The following HS6ST2 variants were observed in gnomAD, a reference collection of about 807,000 sequenced individuals.
HS6ST2 encodes heparan-sulfate 6-O-sulfotransferase 2.
A neutral mutation model predicts 33.0 loss-of-function variants in HS6ST2; 17 were observed. That is an observed-to-expected ratio of 0.52 (90% CI 0.35 to 0.77). The LOEUF (loss-of-function observed/expected upper bound fraction) is 0.77, where lower values mean the gene tolerates loss of function less well. Among genes scored for constraint, HS6ST2 ranks in the 30% least tolerant of loss-of-function variants. HS6ST2 has a pLI of 0.01. For missense variants in HS6ST2, 519 were observed against 551.7 expected (o/e 0.94, Z 0.59); for synonymous variants, 248 against 237.1 (o/e 1.05, Z -0.42).
At chrX:132,744,522 C>T (rs1316308432) in intron 2 of HS6ST2, among the ~76,000 whole-genome samples, 1 of 112,362 alleles carries the variant, frequency 8.9e-6, no homozygotes, top group Non-Finnish European at 1.9e-5. Context: ...TAAGCAGATG[C>T]TTTTGGCATC....
At chrX:132,658,877 CAT>C (rs2063750242) in intron 4 of HS6ST2, among the ~76,000 whole-genome samples, 2 of 111,596 alleles carry the variant, frequency 1.8e-5, no homozygotes, top group Non-Finnish European at 3.8e-5. Context: ...GATGGCCAAA[CAT>C]ATTATTACGC....
intron 2 of HS6ST2, among the ~76,000 whole-genome samples, chrX:132,771,176 C>T (rs775576098): frequency 9.0e-6 from 1 of 111,507 alleles, no homozygotes; most frequent in East Asian, 2.8e-4. Flanking sequence ...AGTAGGTGCT[C>T]AGTAAATATG....
At chrX:132,959,049 A>T (rs1210074956), upstream of HS6ST2, among the ~76,000 whole-genome samples, 2 of 111,221 alleles carry the variant, frequency 1.8e-5, no homozygotes, top group Non-Finnish European at 3.8e-5. Flanking sequence ...ATAACTAAAA[A>T]CTCCATCAGA....
intron 2 of HS6ST2, among the ~76,000 whole-genome samples, chrX:132,795,788 TG>T (rs2065171942): frequency 9.0e-6 from 1 of 110,973 alleles, no homozygotes; most frequent in African/African-American, 3.3e-5. Flanking sequence ...TGTAATTTTT[TG>T]GTAGGGACAG....
chrX:132,777,458 T>C (rs2064973217), intron 2 of HS6ST2, among the ~76,000 whole-genome samples: 2 of 110,641 alleles, frequency 1.8e-5, no homozygotes, highest in Non-Finnish European at 3.8e-5. Context: ...TGAGACAGAG[T>C]CTCACTCTGT....
chrX:132,942,489 A>C (rs774543344), intron 2 of HS6ST2, among the ~76,000 whole-genome samples: 16 of 112,265 alleles, frequency 1.4e-4, no homozygotes, highest in African/African-American at 4.2e-4. Context: ...CCCTTCCAAA[A>C]GGAAGAGAAT....
intron 2 of HS6ST2, among the ~76,000 whole-genome samples, chrX:132,791,808 TA>T (rs1276522320): frequency 1.0e-5 from 1 of 96,464 alleles, no homozygotes; most frequent in Non-Finnish European, 2.1e-5. Flanking sequence ...AGCCCATTTC[TA>T]CAAAAAAAAA....
Position 132,693,053 on chromosome X carries a change from C to T in HS6ST2, c.980+15409G>A, listed in dbSNP as rs112246922. On this transcript the variant is annotated intron_variant, in intron 3 of 4. Coordinates refer to ENST00000370833, the MANE Select transcript of HS6ST2 (RefSeq NM_001394073.1). Reference sequence around the variant, plus strand: ...GGGGTATGAAATGACCTCCTCCACTCCCGGTAGAAATAGCTACCTATTCTT... The same window carrying T: ...GGGGTATGAAATGACCTCCTCCACTTCCGGTAGAAATAGCTACCTATTCTT... Among the ~76,000 whole-genome samples, 79 of 112,144 alleles carry T rather than the reference C, an allele frequency of 7.0e-4. No individual in the cohort carries two copies. The Middle Eastern group carries it at 0.018, about 26-fold the overall frequency.
chrX:132,868,814 C>T (rs1452270086), intron 2 of HS6ST2, among the ~76,000 whole-genome samples: 3 of 111,463 alleles, frequency 2.7e-5, no homozygotes, highest in Non-Finnish European at 5.7e-5. Flanking sequence ...ACTAAATGCC[C>T]ACAGGAGAAA....
chrX:132,721,665 A>C (rs1228030147), intron 2 of HS6ST2, among the ~76,000 whole-genome samples: 2 of 111,853 alleles, frequency 1.8e-5, no homozygotes, highest in African/African-American at 3.2e-5. Flanking sequence ...TGAAATATTT[A>C]TTTCTTTCCT....
chrX:132,630,070 C>T (rs1481346659), intron 4 of HS6ST2, among the ~76,000 whole-genome samples: 2 of 111,788 alleles, frequency 1.8e-5, no homozygotes, highest in East Asian at 5.6e-4. Flanking sequence ...ATGGTAGGCA[C>T]ACGCCCCAGA....
chrX:132,732,701 G>A (rs1020732487), intron 2 of HS6ST2, among the ~76,000 whole-genome samples: 1 of 111,583 alleles, frequency 9.0e-6, no homozygotes, highest in African/African-American at 3.3e-5. Flanking sequence ...CTTCTGCCAT[G>A]ATTGTGAGGG....
At chrX:132,899,019 ATAAT>A (rs1370476187) in intron 2 of HS6ST2, among the ~76,000 whole-genome samples, 3 of 111,632 alleles carry the variant, frequency 2.7e-5, no homozygotes, top group Non-Finnish European at 5.6e-5. Flanking sequence ...ATATGGGGCA[ATAAT>A]TAGAGCCCTG....
At chrX:132,885,236 A>G (rs1482731786) in intron 2 of HS6ST2, among the ~76,000 whole-genome samples, 1 of 111,703 alleles carries the variant, frequency 9.0e-6, no homozygotes, top group Non-Finnish European at 1.9e-5. Flanking sequence ...TTGGTGGGAA[A>G]CAGAAATGAG....
At chrX:132,942,723 A>G (rs1160245163) in intron 2 of HS6ST2, among the ~76,000 whole-genome samples, 1 of 111,835 alleles carries the variant, frequency 8.9e-6, no homozygotes, top group Non-Finnish European at 1.9e-5. Context: ...TTACCCTCCA[A>G]AGGCTGTGTC....
intron 2 of HS6ST2, among the ~76,000 whole-genome samples, chrX:132,794,210 C>T (rs181554255): frequency 7.2e-5 from 8 of 111,860 alleles, no homozygotes; most frequent in Non-Finnish European, 1.3e-4. Flanking sequence ...TAGATGAAGG[C>T]TTCCTTCTGC....
rs559891584 is a variant in HS6ST2, at chrX:132,919,034, G to A, written c.947+37774C>T. Among the ~76,000 whole-genome samples the A allele has an allele frequency of 7.1e-5, 8 of 112,008 alleles. No homozygotes were observed. The South Asian group carries it at 3.0e-3, about 42-fold the overall frequency. ...CCAATTATGTTTTCTTTAATGAATC[G>A]TGAAATAAGTTGCCTTTTCTGGTTT... On this transcript the variant is annotated intron_variant, in intron 2 of 4. Coordinates refer to ENST00000370833, the MANE Select transcript of HS6ST2 (RefSeq NM_001394073.1).
intron 2 of HS6ST2, among the ~76,000 whole-genome samples, chrX:132,802,399 C>CT (rs1340946924): frequency 1.8e-5 from 2 of 111,840 alleles, no homozygotes; most frequent in African/African-American, 6.5e-5. Flanking sequence ...CCGGATGCAT[C>CT]TTTTTTCTGT....
intron 2 of HS6ST2, among the ~76,000 whole-genome samples, chrX:132,839,299 T>C (rs920234000): frequency 1.1e-4 from 5 of 47,290 alleles, no homozygotes; most frequent in Non-Finnish European, 1.6e-4. Context: ...TATATATATA[T>C]ATATATATAT....
Sources: gnomAD v4.1 joint callset for allele counts (sites outside exome capture counted in the v4.1 genomes callset) on GRCh38, gnomAD v4.1.1 for gene constraint, MANE v1.5 for transcripts, NCBI Gene and HGNC (gene_info 2026-07-23, HGNC 2026-07-21) for gene names.